MGMT: variants seen among roughly 807,000 people sequenced by gnomAD.
MGMT encodes O-6-methylguanine-DNA methyltransferase, also known as methylated-DNA--protein-cysteine methyltransferase.
MGMT carries 14 observed loss-of-function variants against 15.9 expected under a neutral mutation model. The observed-to-expected ratio is 0.88, with a 90% confidence interval of 0.58 to 1.37. The LOEUF is 1.37. Among genes scored for constraint, MGMT ranks in the 40% most tolerant of loss-of-function variants. The pLI is 0.00. For synonymous variants in MGMT, 130 were observed against 118.2 expected (o/e 1.10, Z -0.65); for missense variants, 282 against 268.1 (o/e 1.05, Z -0.36).
intron 1 of MGMT, among the ~76,000 whole-genome samples, chr10:129,477,511 A>C (rs1429721819): frequency 6.6e-6 from 1 of 152,206 alleles, no homozygotes; most frequent in Admixed American, 6.5e-5. Context: ...ACTGAGTCAT[A>C]AGAGTGGGAT....
chr10:129,688,716 C>T (rs1035304088), intron 2 of MGMT, among the ~76,000 whole-genome samples: 3 of 152,016 alleles, frequency 2.0e-5, no homozygotes, highest in Non-Finnish European at 4.4e-5. Context: ...GTCTAAAACA[C>T]CAAAAGCAAT....
chr10:129,709,593 C>A (rs566847445), intron 3 of MGMT, among the ~76,000 whole-genome samples: 1 of 152,074 alleles, frequency 6.6e-6, no homozygotes, highest in African/African-American at 2.4e-5. Context: ...GGTCTCAGGA[C>A]AGAAAAGTTC....
intron 2 of MGMT, among the ~76,000 whole-genome samples, chr10:129,547,592 T>C (rs1168989423): frequency 1.3e-5 from 2 of 152,180 alleles, no homozygotes; most frequent in Non-Finnish European, 2.9e-5. Flanking sequence ...GGCAGGGGAT[T>C]ACCGTTTTCT....
intron 2 of MGMT, among the ~76,000 whole-genome samples, chr10:129,569,249 A>G (rs533379277): frequency 6.6e-6 from 1 of 152,176 alleles, no homozygotes; most frequent in South Asian, 2.1e-4. Flanking sequence ...GCTCCGGCGC[A>G]CAGATGCTGA....
At chr10:129,515,363 T>G (rs1564839524) in intron 1 of MGMT, among the ~76,000 whole-genome samples, 1 of 152,132 alleles carries the variant, frequency 6.6e-6, no homozygotes, top group South Asian at 2.1e-4. Flanking sequence ...ACTTGTGGTG[T>G]TCCCAGATTT....
chr10:129,669,504 G>A (rs1347626565), intron 2 of MGMT, among the ~76,000 whole-genome samples: 1 of 152,070 alleles, frequency 6.6e-6, no homozygotes, highest in African/African-American at 2.4e-5. Context: ...TTGAGCATTT[G>A]TATTGCTTAG....
intron 2 of MGMT, among the ~76,000 whole-genome samples, chr10:129,692,512 G>C (rs1013270326): frequency 6.6e-6 from 1 of 152,198 alleles, no homozygotes; most frequent in African/African-American, 2.4e-5. Flanking sequence ...AACAGATGGT[G>C]GGCCAGTTTG....
At chr10:129,732,576 CTTTAAG>C (rs1037923824) in intron 3 of MGMT, among the ~76,000 whole-genome samples, 1 of 150,620 alleles carries the variant, frequency 6.6e-6, no homozygotes, top group Non-Finnish European at 1.5e-5. Flanking sequence ...TATTATTATA[CTTTAAG>C]TTTTAGGGTG....
intron 2 of MGMT, among the ~76,000 whole-genome samples, chr10:129,665,500 C>T (rs1824524469): frequency 6.6e-6 from 1 of 151,894 alleles, no homozygotes; most frequent in Non-Finnish European, 1.5e-5. Flanking sequence ...AGGCATTATG[C>T]ATTTGATAGT....
chr10:129,480,413 C>G (rs148255786), intron 1 of MGMT, among the ~76,000 whole-genome samples: 1 of 152,288 alleles, frequency 6.6e-6, no homozygotes, highest in East Asian at 1.9e-4. Context: ...TTCATCGGCC[C>G]TGTGGAAAAT....
chr10:129,717,852 A>G (rs940264429), intron 3 of MGMT: 1 of 152,350 alleles, frequency 6.6e-6, no homozygotes, highest in Admixed American at 6.5e-5. Context: ...TATTAAAGCA[A>G]TGCATTTAAA....
intron 2 of MGMT, among the ~76,000 whole-genome samples, chr10:129,635,073 C>T (rs892577811): frequency 2.0e-5 from 3 of 152,148 alleles, no homozygotes; most frequent in South Asian, 2.1e-4. Context: ...CTTTTCAGCT[C>T]GCCCCGGATG....
chr10:129,708,149 CA>C (rs1160058044), intron 3 of MGMT, 106 bp downstream of exon 3: 1 of 1,436,618 alleles, frequency 7.0e-7, no homozygotes, highest in African/African-American at 1.4e-5. Context: ...GGTATTTTTA[CA>C]TCAGCTAAAC....
intron 2 of MGMT, among the ~76,000 whole-genome samples, chr10:129,611,742 G>C (rs746519829): frequency 1.3e-5 from 2 of 152,084 alleles, no homozygotes; most frequent in East Asian, 1.9e-4. Context: ...GGTGCGCTCT[G>C]GGGGGGCCAT....
intron 2 of MGMT, among the ~76,000 whole-genome samples, chr10:129,561,618 A>G (rs1194354576): frequency 6.6e-6 from 1 of 152,190 alleles, no homozygotes; most frequent in Non-Finnish European, 1.5e-5. Flanking sequence ...AGGACATGGT[A>G]TCCACCCTCA....
intron 2 of MGMT, among the ~76,000 whole-genome samples, chr10:129,601,845 A>G (rs1365664875): frequency 1.3e-5 from 2 of 152,202 alleles, no homozygotes; most frequent in African/African-American, 2.4e-5. Flanking sequence ...AGGATGTGGT[A>G]GTAGAGTGCT....
At chr10:129,495,936 G>A (rs772752621) in intron 1 of MGMT, among the ~76,000 whole-genome samples, 3 of 152,188 alleles carry the variant, frequency 2.0e-5, no homozygotes, top group Non-Finnish European at 2.9e-5. Context: ...GGCTGCGGAT[G>A]GATGGCATGC....
intron 1 of MGMT, among the ~76,000 whole-genome samples, chr10:129,478,200 A>G (rs1845316660): frequency 7.1e-6 from 1 of 141,056 alleles, no homozygotes; most frequent in Admixed American, 7.3e-5. Context: ...CAGTCTCTAC[A>G]GGTTCATTGG....
intron 2 of MGMT, among the ~76,000 whole-genome samples, chr10:129,549,485 A>G (rs1265353188): frequency 2.6e-5 from 4 of 152,234 alleles, no homozygotes; most frequent in Non-Finnish European, 5.9e-5. Flanking sequence ...AATTTAAAAT[A>G]TAAGCAATAA....
Sources: allele counts gnomAD v4.1 joint callset (sites outside exome capture counted in the v4.1 genomes callset), GRCh38; gene constraint gnomAD v4.1.1; transcripts MANE v1.5; gene names NCBI Gene and HGNC (gene_info 2026-07-23, HGNC 2026-07-21).